Variants in UBE4A observed in about 807,000 individuals in gnomAD.
The protein encoded by UBE4A is ubiquitination factor E4A.
Under a neutral mutation model 117.9 loss-of-function variants are expected in UBE4A, and 48 were observed. The observed-to-expected ratio is 0.41, with a 90% CI of 0.32 to 0.52. The LOEUF (loss-of-function observed/expected upper bound fraction) is 0.52. Ranked by LOEUF, UBE4A falls within the 20% of genes least tolerant of loss-of-function variation. UBE4A has a pLI of 0.33. For missense variants in UBE4A, 1,067 were observed against 1,296.3 expected, an observed-to-expected ratio of 0.82 and a Z score of 2.72; for synonymous variants, 407 against 450.0, an observed-to-expected ratio of 0.90 and a Z score of 1.21.
Position 118,372,458 on chromosome 11 carries a change from C to T in UBE4A, c.562-49C>T, listed in dbSNP as rs1186921716. On this transcript the variant is annotated intron_variant, in intron 5 of 19. Coordinates refer to ENST00000252108, the MANE Select transcript of UBE4A (RefSeq NM_001204077.2). ...TGTATTCACTATGTCTACTTTCGTTCCAGATTACAGAGTTAGACTATTCCC... is the reference window on the plus strand; with the variant it reads ...TGTATTCACTATGTCTACTTTCGTTTCAGATTACAGAGTTAGACTATTCCC... The T allele has an allele frequency of 1.9e-6, 3 of 1,553,700 alleles. No homozygotes were observed. The Admixed American group carries it at 6.3e-5, about 33-fold the overall frequency.
intron 11 of UBE4A, 142 bp downstream of exon 11, chr11:118,379,892 T>G: frequency 9.8e-7 from 1 of 1,016,310 alleles, no homozygotes; most frequent in Middle Eastern, 3.2e-4. Context: ...TTAGATAATA[T>G]CTACTGGTCA....
rs1555125171 is a variant in UBE4A, at chr11:118,375,136, A to G, written c.1357A>G (p.Arg453Gly). The change falls in exon 9 of 20, where the codon AGA becomes GGA. Residue 453 changes from arginine (R) to glycine (G), a missense_variant. Arg to Gly is a moderately radical substitution (Grantham distance 125). This residue lies in a region of UBE4A where 1,001 missense variants were observed against 1,184.0 expected (regional missense o/e 0.85). Transcript: ENST00000252108. Reference sequence around the variant, plus strand: ...GCTATGCCAGCCATTTTGCAAACCCAGATCCTCTCGGCTCCTCACCTTTAA... The same window carrying G: ...GCTATGCCAGCCATTTTGCAAACCCGGATCCTCTCGGCTCCTCACCTTTAA... ...LKLCQPFCKP[R>G]SSRLLTFNPT... 6.2e-7 allele frequency: 1 copy of G among 1,614,228 alleles called. No individual in the cohort carries two copies. Among genetic ancestry groups the G allele is most frequent in the Admixed American group, 1.7e-5 (1 of 60,026 alleles).
chr11:118,360,106 C>T (rs1027961788), intron 1 of UBE4A, among the ~76,000 whole-genome samples: 1 of 152,152 alleles, frequency 6.6e-6, no homozygotes, highest in African/African-American at 2.4e-5. Flanking sequence ...CGTAAGCAAA[C>T]CAGTTCAATG....
chr11:118,379,522 T>C lies in UBE4A; in HGVS notation c.1648T>C (p.Ser550Pro). The C allele has an allele frequency of 1.9e-6, 3 of 1,614,246 alleles. No individual in the cohort carries two copies. Among genetic ancestry groups the C allele is most frequent in the Non-Finnish European group, 2.5e-6 (3 of 1,180,040 alleles). Residue 550 changes from serine (S) to proline (P), a missense_variant, in exon 11 of 20, where the codon TCT (serine) becomes CCT (proline). Coordinates refer to ENST00000252108, the MANE Select transcript of UBE4A (RefSeq NM_001204077.2). ...TGCCTGGCGGGATGCTCAGCAAAGT[T>C]CTAGCCCTGCTGCTGACAATCTTCG... is the stretch of plus-strand genomic sequence containing the variant. ...QVAWRDAQQS[S>P]SPAADNLREQ... is the part of the protein sequence containing the mutation.
intron 2 of UBE4A, 73 bp from the exon 3 acceptor site, chr11:118,368,558 T>C: frequency 6.8e-7 from 1 of 1,467,292 alleles, no homozygotes; most frequent in Middle Eastern, 1.8e-4. Flanking sequence ...TTGGTTACAT[T>C]TATTATTTTT....
Position 118,373,421 on chromosome 11 carries a change from T to C in UBE4A, c.925-73T>C, listed in dbSNP as rs759480674. 2.9e-5 allele frequency: 44 copies of C among 1,538,810 alleles called. 1 individual carries two copies. The South Asian group carries it at 3.7e-4, about 13-fold the overall frequency. ...CTTGGTTGTTGTATCAACTTAACTG[T>C]TTTGAGGCCCTCCCACCCCATCACC... On this transcript the variant is annotated intron_variant, in intron 7 of 19. Coordinates refer to ENST00000252108, the MANE Select transcript of UBE4A (RefSeq NM_001204077.2).
intron 19 of UBE4A, among the ~76,000 whole-genome samples, chr11:118,393,607 T>C (rs1948840221): frequency 6.6e-6 from 1 of 150,608 alleles, no homozygotes; most frequent in Non-Finnish European, 1.5e-5. Context: ...CCTGTTTTTT[T>C]ATTTTTGCGA....
chr11:118,380,134 CGT>C (rs55892936), intron 11 of UBE4A, among the ~76,000 whole-genome samples: 27,641 of 136,282 alleles, frequency 0.2, 2,794 homozygotes, highest in Admixed American at 0.29. Flanking sequence ...TGTGTGTGTG[CGT>C]GTGTGTGTGT....
intron 9 of UBE4A, 47 bp from the exon 10 acceptor site, chr11:118,376,527 T>G: frequency 6.2e-7 from 1 of 1,602,160 alleles, no homozygotes; most frequent in Non-Finnish European, 8.5e-7. Flanking sequence ...AAGAGGAGAC[T>G]GGAGACCAAG....
chr11:118,372,416 C>A, intron 5 of UBE4A, 91 bp from the exon 6 acceptor site: 1 of 1,287,154 alleles, frequency 7.8e-7, no homozygotes, highest in East Asian at 2.6e-5. Context: ...CACAGGAGAC[C>A]AGTATGTCTC....
chr11:118,374,365 A>G (rs1466006417), intron 8 of UBE4A, among the ~76,000 whole-genome samples: 1 of 152,146 alleles, frequency 6.6e-6, no homozygotes, highest in Non-Finnish European at 1.5e-5. Context: ...CATAAATTAT[A>G]GTAGAGGTCT....
chr11:118,365,420 C>A (rs1485254682), intron 2 of UBE4A, among the ~76,000 whole-genome samples: 1 of 151,790 alleles, frequency 6.6e-6, no homozygotes, highest in East Asian at 1.9e-4. Flanking sequence ...CTCCACTGTA[C>A]AAAAAGAGAC....
intron 8 of UBE4A, 133 bp downstream of exon 8, chr11:118,373,818 A>G: frequency 8.9e-7 from 1 of 1,122,410 alleles, no homozygotes; most frequent in Non-Finnish European, 1.2e-6. Flanking sequence ...TCACATAAAT[A>G]AATTAAAACT....
intron 8 of UBE4A, among the ~76,000 whole-genome samples, chr11:118,373,949 CA>C (rs199500047): frequency 6.6e-6 from 1 of 151,688 alleles, no homozygotes; most frequent in East Asian, 1.9e-4. Context: ...CCCATGTCTA[CA>C]AAAAAATACA....
At chr11:118,396,291 T>C (rs781882365) in intron 19 of UBE4A, 23 bp from the exon 20 acceptor site, 14 of 1,602,360 alleles carry the variant, frequency 8.7e-6, no homozygotes, top group Non-Finnish European at 1.1e-5. Flanking sequence ...ATAACCCTAT[T>C]TCCCTTTCTC....
intron 11 of UBE4A, among the ~76,000 whole-genome samples, chr11:118,380,134 C>CGTGTGTGT (rs55892936): frequency 5.1e-4 from 70 of 137,046 alleles, no homozygotes; most frequent in South Asian, 2.0e-3. Flanking sequence ...TGTGTGTGTG[C>CGTGTGTGT]GTGTGTGTGT....
At position 118,382,665 on chromosome 11, in the gene UBE4A, A is replaced by G; in HGVS notation, c.2086A>G (p.Asn696Asp). 6.2e-7 allele frequency: 1 copy of G among 1,605,858 alleles called. No homozygotes were observed. The highest frequency in any genetic ancestry group is 8.5e-7 in the Non-Finnish European group (1 of 1,175,452). Residue 696 changes from asparagine (N) to aspartate (D), a missense_variant, in exon 13 of 20, where the codon AAT (asparagine) becomes GAT (aspartate). Physicochemically the swap from Asn to Asp is conservative, Grantham distance 23. Around this residue, in one of 3 missense-constraint regions of UBE4A, gnomAD observed 1,001 missense variants for 1,184.0 expected, o/e 0.85. Coordinates refer to ENST00000252108, the MANE Select transcript of UBE4A (RefSeq NM_001204077.2). ...GATGCCCCACCTGGATCAGACCCCA[A>G]ATCCCTTGGTATCCAGTGTGTTCCA... The part of the protein sequence containing the change: ...AVMPHLDQTP[N>D]PLVSSVFHRK...
At chr11:118,390,284 T>C (rs1462723832) in intron 17 of UBE4A, among the ~76,000 whole-genome samples, 1 of 151,390 alleles carries the variant, frequency 6.6e-6, no homozygotes, top group Non-Finnish European at 1.5e-5. Flanking sequence ...TACCACTGTT[T>C]AGAAAAGTAG....
rs753093143 is a variant in UBE4A, at chr11:118,371,568, ACTT to A, written c.469_471del (p.Ser157del). ...TCCAGGCAACCACTTAATTAACATG[ACTT>A]CTTCTACAACGCTAAATCTCTCTGC... is the stretch of plus-strand genomic sequence containing the variant. On this transcript the variant is annotated inframe_deletion, in exon 5 of 20. Transcript: ENST00000252108. 8.1e-6 allele frequency: 13 copies of A among 1,613,904 alleles called. No homozygotes were observed. Among genetic ancestry groups the A allele is most frequent in the Admixed American group, 1.7e-5 (1 of 59,994 alleles).
Sources: gnomAD v4.1 joint callset for allele counts (sites outside exome capture counted in the v4.1 genomes callset) on GRCh38, gnomAD v4.1.1 for gene constraint, gnomAD v4.1.1 regional missense constraint, MANE v1.5 for transcripts, NCBI Gene and HGNC (gene_info 2026-07-23, HGNC 2026-07-21) for gene names.